The following ZBBX variants were observed in gnomAD, a reference collection of about 807,000 sequenced individuals.
ZBBX encodes the protein zinc finger B-box domain-containing protein 1.
A neutral mutation model predicts 108.5 loss-of-function variants in ZBBX; 101 were observed. The observed-to-expected ratio is 0.93, with a 90% CI of 0.79 to 1.10. The LOEUF is 1.10. Among genes scored for constraint, ZBBX ranks in the 50% least tolerant of loss-of-function variants. The pLI, the probability that ZBBX is intolerant of heterozygous loss-of-function variation, is 0.00. For synonymous variants in ZBBX, 356 were observed against 323.4 expected (o/e 1.10, Z -1.08); for missense variants, 1,009 against 941.4 (o/e 1.07, Z -0.94).
chr3:167,269,188 A>G (rs1726106150), intron 20 of ZBBX, among the ~76,000 whole-genome samples: 1 of 152,194 alleles, frequency 6.6e-6, no homozygotes, highest in South Asian at 2.1e-4. Flanking sequence ...GTGGGACCCA[A>G]TCATGAGCTT....
intron 20 of ZBBX, among the ~76,000 whole-genome samples, chr3:167,267,925 C>G (rs910732542): frequency 6.6e-6 from 1 of 151,988 alleles, no homozygotes; most frequent in Admixed American, 6.6e-5. Context: ...TGGATCCTGC[C>G]CCAGATCCTT....
At chr3:167,342,778 C>G (rs893548015) in intron 9 of ZBBX, among the ~76,000 whole-genome samples, 1 of 148,970 alleles carries the variant, frequency 6.7e-6, no homozygotes, top group East Asian at 1.9e-4. Context: ...CTTTCTGGTC[C>G]ATGGTAAGTG....
chr3:167,250,736 T>C (rs943357469), intron 20 of ZBBX, among the ~76,000 whole-genome samples: 3 of 152,038 alleles, frequency 2.0e-5, no homozygotes, highest in Non-Finnish European at 4.4e-5. Context: ...GATGTACATC[T>C]TCAGAGGGGA....
intron 9 of ZBBX, among the ~76,000 whole-genome samples, chr3:167,336,862 A>G (rs1739638164): frequency 6.6e-6 from 1 of 152,146 alleles, no homozygotes; most frequent in South Asian, 2.1e-4. Flanking sequence ...GTTTATTTTT[A>G]TATTTGACCA....
the ZBBX span, among the ~76,000 whole-genome samples, chr3:167,232,493 A>G: frequency 3.3e-5 from 5 of 151,738 alleles, no homozygotes; most frequent in African/African-American, 9.7e-5. Flanking sequence ...AAAGAAGAAA[A>G]TGGGTCCATT....
intron 20 of ZBBX, among the ~76,000 whole-genome samples, chr3:167,260,757 G>T (rs1403969577): frequency 6.6e-6 from 1 of 152,110 alleles, no homozygotes; most frequent in Non-Finnish European, 1.5e-5. Context: ...GAATTTCCTT[G>T]CATTAGGCTT....
Position 167,359,910 on chromosome 3 carries a change from C to T in ZBBX, c.392G>A (p.Gly131Glu). The T allele has an allele frequency of 6.4e-7, 1 of 1,568,874 alleles. No individual in the cohort carries two copies. Among genetic ancestry groups the T allele is most frequent in the Non-Finnish European group, 8.7e-7 (1 of 1,154,626 alleles). Residue 131 changes from glycine (G) to glutamate (E), a missense_variant, in exon 8 of 22, where the codon GGG (glycine) becomes GAG (glutamate). Transcript: ENST00000675490. Reference sequence around the variant, plus strand: ...GTTCTCACACTGTCCACATACTTTCCCATTTATCTTGGGTTTTTCACATTC... The same window carrying T: ...GTTCTCACACTGTCCACATACTTTCTCATTTATCTTGGGTTTTTCACATTC... ...SSECEKPKIN[G>E]KVCGQCENKA... is the part of the protein sequence containing the mutation.
chr3:167,338,205 C>G (rs959263050), intron 9 of ZBBX, among the ~76,000 whole-genome samples: 6 of 152,158 alleles, frequency 3.9e-5, no homozygotes, highest in Non-Finnish European at 8.8e-5. Flanking sequence ...CATCTGGTAA[C>G]TGTTCTAAAT....
the ZBBX span, among the ~76,000 whole-genome samples, chr3:167,196,695 C>T: frequency 6.6e-6 from 1 of 152,108 alleles, no homozygotes; most frequent in Non-Finnish European, 1.5e-5. Flanking sequence ...TTTGCTAATA[C>T]TATTGACAAT....
chr3:167,322,753 G>A (rs1736652478), intron 11 of ZBBX, among the ~76,000 whole-genome samples: 1 of 151,924 alleles, frequency 6.6e-6, no homozygotes, highest in Admixed American at 6.6e-5. Flanking sequence ...TCACTATTCA[G>A]AGATATTTAA....
the ZBBX span, among the ~76,000 whole-genome samples, chr3:167,210,129 GA>G: frequency 6.7e-6 from 1 of 150,070 alleles, no homozygotes; most frequent in African/African-American, 2.4e-5. Flanking sequence ...TAGCTGTTTT[GA>G]GAAAACGTAA....
chr3:167,258,623 C>T (rs781059682), intron 20 of ZBBX, among the ~76,000 whole-genome samples: 2 of 151,868 alleles, frequency 1.3e-5, no homozygotes, highest in South Asian at 2.1e-4. Flanking sequence ...CCCCAGATGG[C>T]TTTTTTACAT....
At chr3:167,374,386 C>G (rs1249111670) in intron 2 of ZBBX, among the ~76,000 whole-genome samples, 1 of 152,070 alleles carries the variant, frequency 6.6e-6, no homozygotes, top group East Asian at 1.9e-4. Context: ...ATTCATGGTT[C>G]TATAATAATT....
At chr3:167,221,640 C>T in the ZBBX span, among the ~76,000 whole-genome samples, 1 of 151,638 alleles carries the variant, frequency 6.6e-6, no homozygotes, top group Non-Finnish European at 1.5e-5. Context: ...CCACAAGCAC[C>T]AGCAATGAAA....
chr3:167,265,666 G>A (rs1424097253), intron 20 of ZBBX, among the ~76,000 whole-genome samples: 1 of 152,190 alleles, frequency 6.6e-6, no homozygotes, highest in East Asian at 1.9e-4. Flanking sequence ...CCTACAAATT[G>A]TAGTCCTTGT....
At chr3:167,213,295 C>T in the ZBBX span, among the ~76,000 whole-genome samples, 7 of 152,054 alleles carry the variant, frequency 4.6e-5, no homozygotes, top group East Asian at 5.8e-4. Flanking sequence ...ATAAGAATCA[C>T]AATAAAGTGA....
intron 1 of ZBBX, among the ~76,000 whole-genome samples, chr3:167,396,634 A>G (rs1164009578): frequency 6.6e-6 from 1 of 152,126 alleles, no homozygotes; most frequent in Non-Finnish European, 1.5e-5. Flanking sequence ...TTTATGGTTT[A>G]TGAATGAGAG....
chr3:167,347,736 G>C (rs965759179), intron 9 of ZBBX, among the ~76,000 whole-genome samples: 11 of 151,944 alleles, frequency 7.2e-5, no homozygotes, highest in African/African-American at 2.4e-4. Flanking sequence ...TCTTTGCTAA[G>C]TGCCAACCTC....
intron 2 of ZBBX, among the ~76,000 whole-genome samples, chr3:167,377,826 A>G (rs1747202195): frequency 6.6e-6 from 1 of 152,172 alleles, no homozygotes; most frequent in South Asian, 2.1e-4. Context: ...AGGTATTGAT[A>G]TAGTTTGGCT....
Sources: gnomAD v4.1 joint callset for allele counts (sites outside exome capture counted in the v4.1 genomes callset) on GRCh38, gnomAD v4.1.1 for gene constraint, MANE v1.5 for transcripts, NCBI Gene and HGNC (gene_info 2026-07-23, HGNC 2026-07-21) for gene names.